NR2C1: variants seen among roughly 807,000 people sequenced by gnomAD.
NR2C1 encodes nuclear receptor subfamily 2 group C member 1, also known as TR2 nuclear hormone receptor.
A neutral mutation model predicts 74.8 loss-of-function variants in NR2C1; 33 were observed. The observed-to-expected ratio is 0.44, with a 90% CI of 0.33 to 0.59. NR2C1 has a LOEUF of 0.59. Among genes scored for constraint, NR2C1 ranks in the 20% least tolerant of loss-of-function variants. The probability of loss-of-function intolerance (pLI) is 0.02; values close to 1 mark genes in which losing one functional copy is unlikely to be tolerated. For synonymous variants in NR2C1, 225 were observed against 240.6 expected (o/e 0.94, Z 0.60); for missense variants, 568 against 715.6 (o/e 0.79, Z 2.35).
rs770137656 is a variant in NR2C1, at chr12:95,058,329, C to T, written c.525G>A (p.Ala175=). The change falls in exon 5 of 14, where the codon GCG becomes GCA. Residue 175 remains alanine, a synonymous_variant. Coordinates refer to ENST00000333003, the MANE Select transcript of NR2C1 (RefSeq NM_003297.4). ...ACATACAGTCTTGCTTCATTCCAAA[C>T]GCAATACATCTCTGTAACCTGCAGT... is the stretch of plus-strand genomic sequence containing the variant. The part of the protein sequence containing the change: ...CQYCRLQRCI[A]FGMKQDSVQC... 345 of 1,611,190 alleles carry T rather than the reference C, an allele frequency of 2.1e-4. 2 individuals carry two copies. The Admixed American group carries it at 5.2e-3, about 24-fold the overall frequency.
At chr12:95,058,119 T>C (rs1874195645) in intron 5 of NR2C1, 191 bp downstream of exon 5, 1 of 655,212 alleles carries the variant, frequency 1.5e-6, no homozygotes, top group African/African-American at 1.8e-5. Context: ...TACGTGCTTT[T>C]TACACAGGTA....
At position 95,022,181 on chromosome 12, in the gene NR2C1, G is replaced by C; in HGVS notation, c.*48C>G. 1 of 1,443,916 alleles carries C rather than the reference G, an allele frequency of 6.9e-7. No individual in the cohort carries two copies. The highest frequency in any genetic ancestry group is 9.3e-7 in the Non-Finnish European group (1 of 1,077,842). The allele number at this position is 1,443,916 out of a possible 1,614,324, so 89.4% of individuals were successfully genotyped here. A position where few individuals can be genotyped will look rare whatever the true frequency, so the allele number is the denominator to read the frequency against. ...AGCAGTGAGTTCAATTTGGTGTCTT[G>C]TGTTCTGGCAAAGAACAGTTAAGTT... On this transcript the variant is annotated 3_prime_UTR_variant, in exon 14 of 14. Transcript: ENST00000333003.
chr12:95,045,861 T>C (rs1235579656), intron 9 of NR2C1, among the ~76,000 whole-genome samples: 1 of 151,998 alleles, frequency 6.6e-6, no homozygotes, highest in Non-Finnish European at 1.5e-5. Context: ...TTTTGAAAGA[T>C]GGAGTATCGC....
intron 9 of NR2C1, among the ~76,000 whole-genome samples, chr12:95,043,555 G>C (rs189269027): frequency 6.6e-6 from 1 of 151,320 alleles, no homozygotes; most frequent in Non-Finnish European, 1.5e-5. Flanking sequence ...CGGGCATGGC[G>C]GTGTGTGCCT....
intron 10 of NR2C1, among the ~76,000 whole-genome samples, chr12:95,039,852 C>G (rs574591612): frequency 6.6e-6 from 1 of 152,270 alleles, no homozygotes; most frequent in African/African-American, 2.4e-5. Context: ...GTTGCCCAGG[C>G]TGGTCTTAAA....
At chr12:95,068,716 C>T (rs1019260572) in intron 1 of NR2C1, among the ~76,000 whole-genome samples, 1 of 151,900 alleles carries the variant, frequency 6.6e-6, no homozygotes, top group African/African-American at 2.4e-5. Context: ...ATTACTTGAA[C>T]CTGGGAGGCG....
chr12:95,055,595 G>T (rs543268585), intron 7 of NR2C1, among the ~76,000 whole-genome samples: 69 of 152,298 alleles, frequency 4.5e-4, no homozygotes, highest in African/African-American at 1.7e-3. Flanking sequence ...GCGCCTTAAA[G>T]CATCAAGTGA....
intron 11 of NR2C1, chr12:95,030,738 A>G: frequency 1.9e-6 from 3 of 1,606,550 alleles, no homozygotes; most frequent in South Asian, 1.1e-5. Flanking sequence ...ATTATTCCTG[A>G]GCTCAAAAGG....
chr12:95,051,782 C>T lies in NR2C1; in HGVS notation c.945G>A (p.Gln315=). 6.2e-7 allele frequency: 1 copy of T among 1,607,396 alleles called. No homozygotes were observed. Among genetic ancestry groups the T allele is most frequent in the Non-Finnish European group, 8.5e-7 (1 of 1,178,450 alleles). Residue 315 remains glutamine (Q), a synonymous_variant, in exon 8 of 14, where the codon CAG becomes CAA. Transcript: ENST00000333003. ...DTSLCEFQEM[Q]TNGDVSRAFD... ...CTTACCTTGAAACATCACCGTTGGT[C>T]TGCATTTCTTGAAATTCACACAAAG...
In NR2C1 at chr12:95,049,217, C is replaced by T. The variant is rs770821760; in HGVS notation, c.982G>A (p.Ala328Thr). The part of the protein sequence containing the change: ...GDVSRAFDTL[A>T]KALNPGESTA... The stretch of plus-strand genomic sequence containing the variant: ...CTCTCTCCAGGATTCAATGCTTTTG[C>T]AAGAGTGTCAAATGCCCTGTATGAA... Residue 328 changes from alanine to threonine, a missense_variant, in exon 9 of 14, where the codon GCA becomes ACA. Physicochemically the swap from Ala to Thr is moderately conservative, Grantham distance 58 (BLOSUM62 0). Around this residue, in one of 6 missense-constraint regions of NR2C1, gnomAD observed 239 missense variants for 232.3 expected, o/e 1.03. Coordinates refer to ENST00000333003, the MANE Select transcript of NR2C1 (RefSeq NM_003297.4). The T allele has an allele frequency of 6.2e-7, 1 of 1,613,816 alleles. No individual in the cohort carries two copies. Among genetic ancestry groups the T allele is most frequent in the South Asian group, 1.1e-5 (1 of 91,016 alleles).
chr12:95,061,466 T>C (rs1189307344), intron 3 of NR2C1, among the ~76,000 whole-genome samples: 2 of 152,226 alleles, frequency 1.3e-5, no homozygotes, highest in Non-Finnish European at 2.9e-5. Flanking sequence ...AGTCTACTAC[T>C]TAAAGAAAAA....
In NR2C1 at chr12:95,051,948, A is replaced by T. The variant is rs772826824; in HGVS notation, c.784-5T>A. Reference sequence around the variant, plus strand: ...ATCTCCCTGACATGATTCAGCCTTTAAAAAAAAGGGTATTAAAATTCTGTG... The same window carrying T: ...ATCTCCCTGACATGATTCAGCCTTTTAAAAAAAGGGTATTAAAATTCTGTG... On this transcript the variant is annotated splice_region_variant and splice_polypyrimidine_tract_variant and intron_variant, in intron 7 of 13. Coordinates refer to ENST00000333003, the MANE Select transcript of NR2C1 (RefSeq NM_003297.4). The T allele has an allele frequency of 2.6e-6, 4 of 1,531,248 alleles. No individual in the cohort carries two copies. The highest frequency in any genetic ancestry group is 2.3e-5 in the Admixed American group (1 of 44,072). The allele number at this position is 1,531,248 out of a possible 1,614,324, so 94.9% of individuals were successfully genotyped here.
rs370971586 is a variant in NR2C1 at position 95,030,765 on chromosome 12, T to C, written c.1393+584A>G. The C allele has an allele frequency of 1.9e-5, 31 of 1,610,670 alleles. No homozygotes were observed. In the African/African-American group the frequency reaches 3.5e-4, roughly 18 times the overall value. On this transcript the variant is annotated intron_variant, in intron 11 of 13. Transcript: ENST00000333003. Reference sequence around the variant, plus strand: ...CTCAAAAGGCAATTTTCCCCATTTGTTGATGGGGCACTGTTTTGGGTAGTC... The same window carrying C: ...CTCAAAAGGCAATTTTCCCCATTTGCTGATGGGGCACTGTTTTGGGTAGTC...
At position 95,062,842 on chromosome 12, in the gene NR2C1, A is replaced by G. The variant is rs1875005104; in HGVS notation, c.55-104T>C. 1.3e-5 allele frequency: 10 copies of G among 791,284 alleles called. No individual in the cohort carries two copies. In the East Asian group the frequency reaches 2.4e-4, roughly 19 times the overall value. The allele number at this position is 791,284 out of a possible 1,614,324, so 49.0% of individuals were successfully genotyped here. A position where few individuals can be genotyped will look rare whatever the true frequency, so the allele number is the denominator to read the frequency against. On this transcript the variant is annotated intron_variant, in intron 2 of 13. Transcript: ENST00000333003. Reference sequence around the variant, plus strand: ...ATTACATATATATTCAATATAACACACACGTACCTTTTAAACTACCGATTC... The same window carrying G: ...ATTACATATATATTCAATATAACACGCACGTACCTTTTAAACTACCGATTC...
At chr12:95,072,473 AAG>A (rs1555214144) in intron 1 of NR2C1, among the ~76,000 whole-genome samples, 2 of 150,926 alleles carry the variant, frequency 1.3e-5, no homozygotes, top group Non-Finnish European at 3.0e-5. Context: ...AAAAAAAAAA[AAG>A]AAAAAAAAAT....
At chr12:95,071,637 T>C (rs756424789) in intron 1 of NR2C1, among the ~76,000 whole-genome samples, 10 of 151,674 alleles carry the variant, frequency 6.6e-5, no homozygotes, top group African/African-American at 1.9e-4. Context: ...TCTGTCTGGA[T>C]AACAAAATGA....
chr12:95,031,855 G>A (rs2136104460), intron 10 of NR2C1, among the ~76,000 whole-genome samples: 1 of 152,248 alleles, frequency 6.6e-6, no homozygotes. Context: ...CCTTTTAAAA[G>A]AAAGAGCAAT....
intron 9 of NR2C1, among the ~76,000 whole-genome samples, chr12:95,043,396 G>A (rs577891419): frequency 0.011 from 1,617 of 151,936 alleles, 22 homozygotes; most frequent in African/African-American, 0.038. Context: ...CAACAAAAAA[G>A]TCCTTTGTAA....
chr12:95,072,891 G>C (rs1272014807), intron 1 of NR2C1: 4 of 152,238 alleles, frequency 2.6e-5, no homozygotes, highest in Non-Finnish European at 5.9e-5. Flanking sequence ...GTGAAAGCAC[G>C]GGAGTTAGTG....
Sources: gnomAD v4.1 joint callset for allele counts (sites outside exome capture counted in the v4.1 genomes callset) on GRCh38, gnomAD v4.1.1 for gene constraint, gnomAD v4.1.1 regional missense constraint, MANE v1.5 for transcripts, NCBI Gene and HGNC (gene_info 2026-07-23, HGNC 2026-07-21) for gene names.